The following GRM3 variants were observed in gnomAD, a reference collection of about 807,000 sequenced individuals.
GRM3 encodes the protein metabotropic glutamate receptor 3.
Under a neutral mutation model 70.5 loss-of-function variants are expected in GRM3, and 26 were observed. The ratio of observed to expected loss-of-function variants is 0.37; its 90% CI spans 0.27 to 0.51. The LOEUF is 0.51. Ranked by LOEUF, GRM3 falls within the 20% of genes least tolerant of loss-of-function variation. The probability of loss-of-function intolerance (pLI) is 0.93; values close to 1 mark genes in which losing one functional copy is unlikely to be tolerated. For synonymous variants in GRM3, 443 were observed against 434.9 expected, an observed-to-expected ratio of 1.02 and a Z score of -0.23; for missense variants, 859 against 1,123.8, an observed-to-expected ratio of 0.76 and a Z score of 3.37.
chr7:86,733,308 C>T (rs933133740), intron 1 of GRM3, among the ~76,000 whole-genome samples: 62 of 131,582 alleles, frequency 4.7e-4, no homozygotes, highest in African/African-American at 1.7e-3. Context: ...AGCGACACGC[C>T]GTCTCAAAAA....
intron 3 of GRM3, among the ~76,000 whole-genome samples, chr7:86,793,301 G>A (rs1001802691): frequency 1.3e-5 from 2 of 152,110 alleles, no homozygotes; most frequent in African/African-American, 4.8e-5. Flanking sequence ...AAGGAATAAC[G>A]TTTTAGCTGG....
chr7:86,781,023 C>T (rs1797042569), intron 2 of GRM3, among the ~76,000 whole-genome samples: 3 of 152,088 alleles, frequency 2.0e-5, no homozygotes. Context: ...AGTGAGTGGT[C>T]CCAGAATTCC....
chr7:86,812,647 T>G (rs1358476441), intron 3 of GRM3, among the ~76,000 whole-genome samples: 1 of 151,804 alleles, frequency 6.6e-6, no homozygotes. Context: ...AGAATATAAC[T>G]GCTGAGAAAT....
intron 1 of GRM3, among the ~76,000 whole-genome samples, chr7:86,660,218 TAGG>T (rs1793858035): frequency 6.6e-6 from 1 of 152,052 alleles, no homozygotes; most frequent in Non-Finnish European, 1.5e-5. Flanking sequence ...CTTAAATCCC[TAGG>T]AGGAGAACAG....
intron 1 of GRM3, among the ~76,000 whole-genome samples, chr7:86,721,913 A>G (rs940250873): frequency 1.3e-5 from 2 of 152,146 alleles, no homozygotes; most frequent in Non-Finnish European, 2.9e-5. Context: ...ACTAGGAAGC[A>G]TGGAAGATAC....
chr7:86,830,230 C>T (rs1352463722), intron 3 of GRM3, among the ~76,000 whole-genome samples: 1 of 152,110 alleles, frequency 6.6e-6, no homozygotes, highest in East Asian at 1.9e-4. Context: ...GAGAGTTGTC[C>T]CATCCAAGCT....
chr7:86,671,521 G>C (rs1015137611), intron 1 of GRM3, among the ~76,000 whole-genome samples: 3 of 152,104 alleles, frequency 2.0e-5, no homozygotes, highest in African/African-American at 7.2e-5. Flanking sequence ...TTCCCAACAA[G>C]CTACTCATGA....
chr7:86,754,134 C>A (rs1277144227), intron 1 of GRM3, among the ~76,000 whole-genome samples: 3 of 152,090 alleles, frequency 2.0e-5, no homozygotes, highest in Non-Finnish European at 4.4e-5. Flanking sequence ...CAGGATTATT[C>A]TAAGCCTGAA....
chr7:86,712,496 A>C (rs1168179009), intron 1 of GRM3, among the ~76,000 whole-genome samples: 1 of 152,082 alleles, frequency 6.6e-6, no homozygotes, highest in Non-Finnish European at 1.5e-5. Flanking sequence ...AGAAACATTT[A>C]AATTATTCCC....
At chr7:86,837,644 G>A (rs1235270788) in intron 3 of GRM3, among the ~76,000 whole-genome samples, 2 of 152,122 alleles carry the variant, frequency 1.3e-5, no homozygotes, top group Non-Finnish European at 2.9e-5. Context: ...GAAGAGGAGG[G>A]CCTAGGCAGG....
intron 1 of GRM3, among the ~76,000 whole-genome samples, chr7:86,678,132 A>G (rs960463700): frequency 1.3e-5 from 2 of 152,036 alleles, no homozygotes; most frequent in Non-Finnish European, 2.9e-5. Flanking sequence ...CATAAAAATG[A>G]AGTATATTAG....
chr7:86,760,144 A>AT (rs1174256150), intron 1 of GRM3, among the ~76,000 whole-genome samples: 1 of 152,112 alleles, frequency 6.6e-6, no homozygotes, highest in East Asian at 1.9e-4. Flanking sequence ...GGTTTCTGGC[A>AT]TTTTATCTCC....
At chr7:86,699,294 T>C (rs802467) in intron 1 of GRM3, among the ~76,000 whole-genome samples, 66,540 of 151,806 alleles carry the variant, frequency 0.44, 15,494 homozygotes, top group East Asian at 0.81. Context: ...ACCTATTAGC[T>C]TGAAATTTTC....
In GRM3 at chr7:86,807,273, T is replaced by C. The variant is rs1165779882; in HGVS notation, c.1324+20157T>C. On this transcript the variant is annotated intron_variant, in intron 3 of 5. Transcript: ENST00000361669. ...AACTTTAAAGTAGTTTTTTTCCAATTCTGTGAAGAAAGTCATTGGTAGCTT... is the reference window on the plus strand; with the variant it reads ...AACTTTAAAGTAGTTTTTTTCCAATCCTGTGAAGAAAGTCATTGGTAGCTT... 7.3e-5 allele frequency among the ~76,000 whole-genome samples: 5 copies of C among 68,812 alleles called. 2 individuals carry two copies. Among genetic ancestry groups the C allele is most frequent in the Non-Finnish European group, 1.3e-4 (5 of 38,532 alleles). The allele number at this position is 68,812 out of a possible 152,430, so 45.1% of individuals were successfully genotyped here. A position where few individuals can be genotyped will look rare whatever the true frequency, so the allele number is the denominator to read the frequency against.
Position 86,679,066 on chromosome 7 carries a change from C to T in GRM3, c.-141+34194C>T, listed in dbSNP as rs184069412. Among the ~76,000 whole-genome samples the T allele has an allele frequency of 5.7e-4, 86 of 151,942 alleles. 1 individual carries two copies. The South Asian group carries it at 0.014, about 24-fold the overall frequency. ...ACATATTAATAGCTAGGTAAATGGC[C>T]GTATCGTATTGATTAATATGTCATG... is the stretch of plus-strand genomic sequence containing the variant. On this transcript the variant is annotated intron_variant, in intron 1 of 5. Transcript: ENST00000361669.
intron 3 of GRM3, among the ~76,000 whole-genome samples, chr7:86,797,208 T>C (rs887298671): frequency 1.9e-4 from 29 of 151,976 alleles, no homozygotes; most frequent in Non-Finnish European, 3.1e-4. Flanking sequence ...CAGGCAGAGG[T>C]TGGAACAGTT....
At chr7:86,849,051 G>T (rs1368321568) in intron 4 of GRM3, among the ~76,000 whole-genome samples, 1 of 152,108 alleles carries the variant, frequency 6.6e-6, no homozygotes, top group Admixed American at 6.6e-5. Context: ...AATGCTTTTA[G>T]AAAAGGTTTC....
chr7:86,650,354 T>G (rs1226658834), intron 1 of GRM3, among the ~76,000 whole-genome samples: 1 of 149,972 alleles, frequency 6.7e-6, no homozygotes, highest in African/African-American at 2.5e-5. Flanking sequence ...ATTTTTTAAT[T>G]TATTTATTTA....
At chr7:86,779,878 C>T (rs564880069) in intron 2 of GRM3, among the ~76,000 whole-genome samples, 14 of 152,164 alleles carry the variant, frequency 9.2e-5, no homozygotes, top group Non-Finnish European at 1.9e-4. Context: ...TATTTAATAA[C>T]ATTTAGCAAT....
Sources: allele counts gnomAD v4.1 joint callset (sites outside exome capture counted in the v4.1 genomes callset), GRCh38; gene constraint gnomAD v4.1.1; transcripts MANE v1.5; gene names NCBI Gene and HGNC (gene_info 2026-07-23, HGNC 2026-07-21).